SH3RF3: variants seen among roughly 807,000 people sequenced by gnomAD.
SH3RF3 encodes the protein SH3 domain containing ring finger 3.
A neutral mutation model predicts 66.3 loss-of-function variants in SH3RF3; 29 were observed. The ratio of observed to expected loss-of-function variants is 0.44; its 90% CI spans 0.33 to 0.60. The LOEUF is 0.60. SH3RF3 is among the 20% of genes least tolerant of loss of function. The probability of loss-of-function intolerance (pLI) is 0.04; values close to 1 mark genes in which losing one functional copy is unlikely to be tolerated. For synonymous variants in SH3RF3, 583 were observed against 532.0 expected (o/e 1.10, Z -1.32); for missense variants, 1,194 against 1,190.9 (o/e 1.00, Z -0.04).
intron 8 of SH3RF3, among the ~76,000 whole-genome samples, chr2:109,480,647 G>T (rs1361257273): frequency 4.6e-5 from 7 of 152,118 alleles, no homozygotes; most frequent in Non-Finnish European, 7.4e-5. Flanking sequence ...GAGGAGGATG[G>T]AGACGAACAA....
intron 2 of SH3RF3, among the ~76,000 whole-genome samples, chr2:109,350,644 G>A (rs891747812): frequency 2.0e-5 from 3 of 152,176 alleles, no homozygotes; most frequent in Non-Finnish European, 2.9e-5. Flanking sequence ...GTGACTCTCC[G>A]CTCAGTTCCT....
intron 1 of SH3RF3, among the ~76,000 whole-genome samples, chr2:109,212,739 C>G (rs13396126): frequency 6.6e-6 from 1 of 152,180 alleles, no homozygotes; most frequent in African/African-American, 2.4e-5. Flanking sequence ...TCTCTTTGCC[C>G]GTGGCCCAAA....
intron 4 of SH3RF3, among the ~76,000 whole-genome samples, chr2:109,408,984 G>A (rs934997793): frequency 5.3e-5 from 8 of 152,212 alleles, no homozygotes; most frequent in Non-Finnish European, 1.0e-4. Flanking sequence ...AAGATAGGTT[G>A]CTTCTTAGCT....
At chr2:109,169,217 AAC>A (rs1281253734) in intron 1 of SH3RF3, among the ~76,000 whole-genome samples, 6 of 152,214 alleles carry the variant, frequency 3.9e-5, no homozygotes, top group African/African-American at 1.4e-4. Flanking sequence ...CTATGGGACA[AAC>A]AGTGCTGGTT....
chr2:109,175,657 A>G (rs1677899018), intron 1 of SH3RF3, among the ~76,000 whole-genome samples: 1 of 152,216 alleles, frequency 6.6e-6, no homozygotes, highest in African/African-American at 2.4e-5. Flanking sequence ...AAGGATCTCC[A>G]GAATCAGTAA....
intron 2 of SH3RF3, among the ~76,000 whole-genome samples, chr2:109,363,075 G>T (rs1683080995): frequency 6.6e-6 from 1 of 152,026 alleles, no homozygotes; most frequent in South Asian, 2.1e-4. Context: ...ATAGAGTCAG[G>T]TTAAATTCTA....
chr2:109,494,296 T>C (rs1293170855), intron 9 of SH3RF3, among the ~76,000 whole-genome samples: 1 of 140,204 alleles, frequency 7.1e-6, no homozygotes, highest in African/African-American at 2.6e-5. Flanking sequence ...GACTCTTTGG[T>C]GGCTCCTTGC....
chr2:109,214,717 C>T (rs371466998), intron 1 of SH3RF3, among the ~76,000 whole-genome samples: 1 of 152,200 alleles, frequency 6.6e-6, no homozygotes, highest in African/African-American at 2.4e-5. Context: ...ATGGGCTCCA[C>T]TCCAGCTGCA....
intron 1 of SH3RF3, among the ~76,000 whole-genome samples, chr2:109,162,793 A>C (rs1677519501): frequency 6.6e-6 from 1 of 152,222 alleles, no homozygotes; most frequent in Non-Finnish European, 1.5e-5. Context: ...ATCCCCGAGG[A>C]ATCACCTTTT....
At chr2:109,162,034 A>T (rs950320917) in intron 1 of SH3RF3, among the ~76,000 whole-genome samples, 11 of 152,008 alleles carry the variant, frequency 7.2e-5, no homozygotes, top group Non-Finnish European at 1.2e-4. Flanking sequence ...CCTCCTTGGG[A>T]TGTGTCCTCA....
intron 8 of SH3RF3, among the ~76,000 whole-genome samples, chr2:109,466,863 GT>G (rs1474874095): frequency 6.6e-6 from 1 of 152,090 alleles, no homozygotes; most frequent in Non-Finnish European, 1.5e-5. Flanking sequence ...ACATGTGCAT[GT>G]GTGTATATGT....
intron 1 of SH3RF3, among the ~76,000 whole-genome samples, chr2:109,288,178 A>G (rs1220882895): frequency 6.6e-6 from 1 of 152,248 alleles, no homozygotes; most frequent in Non-Finnish European, 1.5e-5. Flanking sequence ...CTTAGATGCG[A>G]TGTGTTTGCA....
intron 1 of SH3RF3, among the ~76,000 whole-genome samples, chr2:109,294,692 C>T (rs1161832315): frequency 6.6e-6 from 1 of 152,034 alleles, no homozygotes; most frequent in African/African-American, 2.4e-5. Context: ...CGGGGCTGGG[C>T]TCAGCTGGGA....
At chr2:109,330,563 A>T (rs543661754) in intron 1 of SH3RF3, among the ~76,000 whole-genome samples, 1 of 152,250 alleles carries the variant, frequency 6.6e-6, no homozygotes, top group East Asian at 1.9e-4. Context: ...CACAGACAAG[A>T]TAGTCACTGT....
At chr2:109,454,139 A>G (rs545721577) in intron 8 of SH3RF3, among the ~76,000 whole-genome samples, 2 of 152,380 alleles carry the variant, frequency 1.3e-5, no homozygotes, top group Non-Finnish European at 2.9e-5. Context: ...AAACAAAGGT[A>G]CTGCTTAATA....
At chr2:109,290,333 T>C (rs1681134847) in intron 1 of SH3RF3, among the ~76,000 whole-genome samples, 1 of 152,234 alleles carries the variant, frequency 6.6e-6, no homozygotes, top group East Asian at 1.9e-4. Flanking sequence ...TACATACTTA[T>C]TAGAGTAAAT....
intron 1 of SH3RF3, among the ~76,000 whole-genome samples, chr2:109,226,847 C>T (rs1368999546): frequency 6.6e-6 from 1 of 152,172 alleles, no homozygotes; most frequent in Non-Finnish European, 1.5e-5. Context: ...CCTACAGCTG[C>T]AGGAGAGAAA....
intron 9 of SH3RF3, among the ~76,000 whole-genome samples, chr2:109,491,993 TGTA>T (rs1679141893): frequency 6.6e-6 from 1 of 152,150 alleles, no homozygotes; most frequent in Non-Finnish European, 1.5e-5. Context: ...CATATTCTTC[TGTA>T]TAGTTTTCTA....
At chr2:109,380,087 G>C (rs1306468216) in intron 3 of SH3RF3, among the ~76,000 whole-genome samples, 1 of 152,168 alleles carries the variant, frequency 6.6e-6, no homozygotes, top group Non-Finnish European at 1.5e-5. Flanking sequence ...GTTGGGGTCT[G>C]TACATTTTCT....
Sources: allele counts gnomAD v4.1 joint callset (sites outside exome capture counted in the v4.1 genomes callset), GRCh38; gene constraint gnomAD v4.1.1; transcripts MANE v1.5; gene names NCBI Gene and HGNC (gene_info 2026-07-23, HGNC 2026-07-21).